Variants in ATP2C1 observed in about 807,000 individuals in gnomAD.
ATP2C1 encodes calcium-transporting ATPase type 2C member 1.
In ATP2C1, 31 loss-of-function variants were observed where a neutral mutation model predicts 120.5. The ratio of observed to expected loss-of-function variants is 0.26; its 90% CI spans 0.19 to 0.35. The LOEUF is 0.35. ATP2C1 is among the 10% of genes least tolerant of loss of function. The pLI is 1.00. For missense variants in ATP2C1, 731 were observed against 1,107.5 expected (o/e 0.66, Z 4.83); for synonymous variants, 351 against 358.7 (o/e 0.98, Z 0.24).
intron 1 of ATP2C1, among the ~76,000 whole-genome samples, chr3:130,888,925 T>G (rs185674515): frequency 6.6e-6 from 1 of 152,370 alleles, no homozygotes; most frequent in East Asian, 1.9e-4. Flanking sequence ...TTCCGCCATC[T>G]TGCTCTGCTC....
Position 131,001,306 on chromosome 3 carries a change from C to G in ATP2C1, c.2716C>G (p.Gln906Glu). The change falls in exon 28 of 28, where the codon CAG (glutamine) becomes GAG (glutamate). Residue 906 changes from glutamine to glutamate, a missense_variant. Gln to Glu is a conservative substitution (Grantham distance 29). Transcript: ENST00000510168. ...GGTTGAAAGGAGCAGGGAAAAGATC[C>G]AGAAGCATGTTAGTTCGACATCATC... is the stretch of plus-strand genomic sequence containing the variant. The part of the protein sequence containing the change: ...KKVERSREKI[Q>E]KHVSSTSSSF... 1 of 1,613,514 alleles carries G rather than the reference C, an allele frequency of 6.2e-7. No homozygotes were observed. The highest frequency in any genetic ancestry group is 8.5e-7 in the Non-Finnish European group (1 of 1,179,648).
At chr3:130,991,778 T>G (rs1471333637) in intron 20 of ATP2C1, among the ~76,000 whole-genome samples, 1 of 152,088 alleles carries the variant, frequency 6.6e-6, no homozygotes, top group Non-Finnish European at 1.5e-5. Context: ...GCATATTGAG[T>G]TCATCTGTAG....
intron 3 of ATP2C1, 76 bp downstream of exon 3, chr3:130,930,602 A>G: frequency 1.0e-6 from 1 of 965,664 alleles, no homozygotes; most frequent in Non-Finnish European, 1.7e-6. Flanking sequence ...AGTGCTGTCT[A>G]ATTTACTTTT....
chr3:130,943,933 T>G (rs1404703067), intron 8 of ATP2C1, among the ~76,000 whole-genome samples: 2 of 152,224 alleles, frequency 1.3e-5, no homozygotes, highest in African/African-American at 4.8e-5. Flanking sequence ...TATTGGAGTT[T>G]TGTTGGCTCA....
intron 1 of ATP2C1, among the ~76,000 whole-genome samples, chr3:130,883,099 C>T (rs770274554): frequency 6.6e-6 from 1 of 152,114 alleles, no homozygotes; most frequent in Non-Finnish European, 1.5e-5. Context: ...AGGAATTTAC[C>T]CATTTCTTCT....
chr3:130,881,203 A>G (rs921591450), intron 1 of ATP2C1, among the ~76,000 whole-genome samples: 2 of 152,206 alleles, frequency 1.3e-5, no homozygotes, highest in African/African-American at 4.8e-5. Context: ...GCCTGCAGAT[A>G]TGACACAGAA....
At chr3:130,985,234 C>G (rs1317657963) in intron 20 of ATP2C1, among the ~76,000 whole-genome samples, 1 of 152,154 alleles carries the variant, frequency 6.6e-6, no homozygotes, top group Non-Finnish European at 1.5e-5. Flanking sequence ...GTCTCTATAA[C>G]TTACGCTTCC....
chr3:130,894,019 G>A, upstream of ATP2C1: 2 of 986,508 alleles, frequency 2.0e-6, no homozygotes, highest in Non-Finnish European at 2.4e-6. This position sits in a 1 kb window ranked among gnomAD's most constrained non-coding sequence, Gnocchi z 4.5. Flanking sequence ...TGGCCCAGGA[G>A]TGCGGGGCGC....
At chr3:130,863,726 T>C (rs1047527747) in intron 1 of ATP2C1, among the ~76,000 whole-genome samples, 4 of 152,226 alleles carry the variant, frequency 2.6e-5, no homozygotes, top group African/African-American at 7.2e-5. Context: ...ATTCTCATTA[T>C]AGTGAATAAG....
chr3:130,938,640 G>C (rs1444005971), intron 6 of ATP2C1, among the ~76,000 whole-genome samples: 1 of 152,176 alleles, frequency 6.6e-6, no homozygotes, highest in Non-Finnish European at 1.5e-5. Context: ...GACAAATGTT[G>C]CCCATGGTCA....
chr3:130,971,264 AT>A (rs1384127472), intron 17 of ATP2C1, among the ~76,000 whole-genome samples: 1 of 152,204 alleles, frequency 6.6e-6, no homozygotes, highest in Admixed American at 6.5e-5. Flanking sequence ...AAAGTTTTAC[AT>A]TGGAAGATTA....
At chr3:130,938,456 G>A (rs1025458156) in intron 6 of ATP2C1, among the ~76,000 whole-genome samples, 5 of 152,140 alleles carry the variant, frequency 3.3e-5, no homozygotes, top group Non-Finnish European at 7.4e-5. Flanking sequence ...GATTTATTAC[G>A]TGGGTATTTC....
intron 1 of ATP2C1, among the ~76,000 whole-genome samples, chr3:130,874,252 C>G (rs1238473300): frequency 1.3e-5 from 2 of 152,048 alleles, no homozygotes; most frequent in Admixed American, 6.6e-5. Flanking sequence ...TAAAATATTT[C>G]TAATGAGTGA....
At chr3:130,997,785 A>G in intron 25 of ATP2C1, 32 bp downstream of exon 25, 1 of 1,609,980 alleles carries the variant, frequency 6.2e-7, no homozygotes, top group Non-Finnish European at 8.5e-7. Flanking sequence ...CTATATTAAC[A>G]TGAATTCTGT....
chr3:130,924,164 C>G (rs1045940675), intron 2 of ATP2C1, among the ~76,000 whole-genome samples: 1 of 149,716 alleles, frequency 6.7e-6, no homozygotes, highest in African/African-American at 2.5e-5. Flanking sequence ...TTTTTCATTG[C>G]ATCATTGTTA....
Position 130,975,370 on chromosome 3 carries a change from A to G in ATP2C1, c.1452A>G (p.Glu484=). ...PEICFMKGAY[E]QVIKYCTTYQ... ...TTTGTTTTATGAAAGGTGCTTACGA[A>G]CAAGTAATTAAGTACTGTACTACAT... The change falls in exon 18 of 28, where the codon GAA becomes GAG. Residue 484 remains glutamate (E), a synonymous_variant. Transcript: ENST00000510168. 6.2e-7 allele frequency: 1 copy of G among 1,613,892 alleles called. No homozygotes were observed. The highest frequency in any genetic ancestry group is 8.5e-7 in the Non-Finnish European group (1 of 1,179,828).
At chr3:131,001,094 C>G in intron 27 of ATP2C1, 126 bp from the exon 28 acceptor site, 406 of 663,564 alleles carry the variant, frequency 6.1e-4, no homozygotes, top group Middle Eastern at 1.0e-3. Flanking sequence ...CAGAGCAAGA[C>G]TTCATCTCAG....
At chr3:130,887,458 T>C (rs1173566969) in intron 1 of ATP2C1, among the ~76,000 whole-genome samples, 2 of 152,050 alleles carry the variant, frequency 1.3e-5, no homozygotes, top group Non-Finnish European at 2.9e-5. Flanking sequence ...AGATGGTGTA[T>C]GGGAGCTAGG....
At chr3:130,876,723 T>C (rs1212952054) in intron 1 of ATP2C1, among the ~76,000 whole-genome samples, 1 of 152,140 alleles carries the variant, frequency 6.6e-6, no homozygotes, top group African/African-American at 2.4e-5. Flanking sequence ...ATTTTAACAA[T>C]ACTAATTCTT....
Sources: allele counts gnomAD v4.1 joint callset (sites outside exome capture counted in the v4.1 genomes callset), GRCh38; gene constraint gnomAD v4.1.1; non-coding constraint Gnocchi (gnomAD v3.1); transcripts MANE v1.5; gene names NCBI Gene and HGNC (gene_info 2026-07-23, HGNC 2026-07-21).